The following PCDHGA8 variants were observed in gnomAD, a reference collection of about 807,000 sequenced individuals.
PCDHGA8 encodes the protein protocadherin gamma-A8.
A neutral mutation model predicts 59.2 loss-of-function variants in PCDHGA8; 45 were observed. The observed-to-expected ratio is 0.76, with a 90% CI of 0.60 to 0.98. PCDHGA8 has a LOEUF of 0.98. PCDHGA8 is among the 50% of genes least tolerant of loss of function. PCDHGA8 has a pLI of 0.00. For synonymous variants in PCDHGA8, 531 were observed against 519.0 expected (o/e 1.02, Z -0.32); for missense variants, 1,257 against 1,196.2 (o/e 1.05, Z -0.75).
At position 141,433,358 on chromosome 5, in the gene PCDHGA8, C is replaced by CTATCTAT. The variant is rs2097585632; in HGVS notation, c.2424+38121_2424+38122insTATCTAT. ...ACAGGTGCAAGCCACCTACTGTCTG[C>CTATCTAT]CTATCTATCTATCTATCTATCTATC... On this transcript the variant is annotated intron_variant, in intron 1 of 3. Coordinates refer to ENST00000398604, the MANE Select transcript of PCDHGA8 (RefSeq NM_032088.2). 11 of 503,932 alleles carry CTATCTAT rather than the reference C, an allele frequency of 2.2e-5. No individual in the cohort carries two copies. The African/African-American group carries it at 2.3e-4, about 10-fold the overall frequency. The allele number at this position is 503,932 out of a possible 1,614,324, so 31.2% of individuals were successfully genotyped here.
At chr5:141,411,895 A>G (rs945335839) in intron 1 of PCDHGA8, 1 of 152,254 alleles carries the variant, frequency 6.6e-6, no homozygotes, top group Non-Finnish European at 1.5e-5. Context: ...TAAATGAAAT[A>G]CTATTGCCTT....
rs200686404 is a variant in PCDHGA8 at position 141,477,185 on chromosome 5, G to A, written c.2425-17622G>A. On this transcript the variant is annotated intron_variant, in intron 1 of 3. Transcript: ENST00000398604. The surrounding 1 kb of genome is among the most constrained non-coding windows in gnomAD (Gnocchi z 4.9). ...CGCCCCGGAGATCACAGTCACCTCCGTGTACAGCCCAGTACCCGAGGATGC... is the reference window on the plus strand; with the variant it reads ...CGCCCCGGAGATCACAGTCACCTCCATGTACAGCCCAGTACCCGAGGATGC... 1.2e-6 allele frequency: 2 copies of A among 1,614,210 alleles called. No individual in the cohort carries two copies. Among genetic ancestry groups the A allele is most frequent in the South Asian group, 1.1e-5 (1 of 91,084 alleles).
intron 1 of PCDHGA8, among the ~76,000 whole-genome samples, chr5:141,425,338 G>A (rs561085111): frequency 6.6e-6 from 1 of 152,290 alleles, no homozygotes; most frequent in African/African-American, 2.4e-5. Flanking sequence ...AAAAGGAAGG[G>A]TTGGCTTTGA....
At chr5:141,420,254 G>C (rs186977117) in intron 1 of PCDHGA8, 3 of 1,569,172 alleles carry the variant, frequency 1.9e-6, no homozygotes, top group Admixed American at 3.8e-5. Context: ...CGTTGAAGCA[G>C]ATAAGAAGAT....
chr5:141,473,497 C>T (rs2099323546), intron 1 of PCDHGA8, among the ~76,000 whole-genome samples: 1 of 152,106 alleles, frequency 6.6e-6, no homozygotes, highest in Non-Finnish European at 1.5e-5. Context: ...ATAAGGTGTT[C>T]TGAGAGAGCA....
At chr5:141,404,063 G>A in intron 1 of PCDHGA8, 1 of 1,613,798 alleles carries the variant, frequency 6.2e-7, no homozygotes, top group Non-Finnish European at 8.5e-7. Context: ...TCTTTTCAAT[G>A]CTCATGACCG....
intron 1 of PCDHGA8, chr5:141,421,347 C>G: frequency 6.2e-7 from 1 of 1,613,948 alleles, no homozygotes; most frequent in Non-Finnish European, 8.5e-7. Flanking sequence ...CAGAAGAGAC[C>G]GAAAAGGGCT....
At chr5:141,504,991 G>A (rs896449285) in intron 2 of PCDHGA8, among the ~76,000 whole-genome samples, 44 of 152,034 alleles carry the variant, frequency 2.9e-4, no homozygotes, top group Admixed American at 2.6e-3. Context: ...GTGAAACCCC[G>A]TCTGTACTAA....
At chr5:141,435,430 T>C (rs576681937) in intron 1 of PCDHGA8, among the ~76,000 whole-genome samples, 115 of 152,334 alleles carry the variant, frequency 7.5e-4, no homozygotes, top group African/African-American at 2.6e-3. Flanking sequence ...ACTTCTGTTA[T>C]GCATTTCATT....
intron 1 of PCDHGA8, chr5:141,423,627 C>T (rs925883716): frequency 6.2e-7 from 1 of 1,604,886 alleles, no homozygotes; most frequent in African/African-American, 1.3e-5. Context: ...ACTCAGCTAT[C>T]ATTTTAGGCA....
Position 141,432,123 on chromosome 5 carries a change from C to T in PCDHGA8, c.2424+36886C>T. 6.2e-7 allele frequency: 1 copy of T among 1,614,172 alleles called. No homozygotes were observed. The highest frequency in any genetic ancestry group is 8.5e-7 in the Non-Finnish European group (1 of 1,180,042). ...GACAACCCGCCGGTCTTCCCTCAGGCCTCCTATTCCGCTTATATCCCAGAG... is the reference window on the plus strand; with the variant it reads ...GACAACCCGCCGGTCTTCCCTCAGGTCTCCTATTCCGCTTATATCCCAGAG... On this transcript the variant is annotated intron_variant, in intron 1 of 3. Coordinates refer to ENST00000398604, the MANE Select transcript of PCDHGA8 (RefSeq NM_032088.2). The surrounding 1 kb of genome is among the most constrained non-coding windows in gnomAD (Gnocchi z 6.0).
At chr5:141,420,050 C>T in intron 1 of PCDHGA8, 1 of 1,614,076 alleles carries the variant, frequency 6.2e-7, no homozygotes, top group Non-Finnish European at 8.5e-7. Flanking sequence ...TGAGTCAGTT[C>T]TCTGCTCCAA....
chr5:141,413,891 C>G, intron 1 of PCDHGA8: 1 of 1,613,382 alleles, frequency 6.2e-7, no homozygotes, highest in East Asian at 2.2e-5. Flanking sequence ...GTCTTCGATG[C>G]AAATGACAAC....
intron 1 of PCDHGA8, chr5:141,422,419 A>G (rs1318381358): frequency 8.7e-6 from 14 of 1,607,158 alleles, no homozygotes; most frequent in Non-Finnish European, 1.2e-5. Context: ...ATTAGAAAAG[A>G]CTTATGGAAA....
intron 1 of PCDHGA8, chr5:141,399,557 T>TG: frequency 1.2e-6 from 2 of 1,613,968 alleles, no homozygotes; most frequent in Non-Finnish European, 1.7e-6. Context: ...GACCTGGACT[T>TG]GGGGTTGAAC....
At chr5:141,505,352 C>CG in intron 2 of PCDHGA8, 41 bp from the exon 3 acceptor site, 1 of 1,613,302 alleles carries the variant, frequency 6.2e-7, no homozygotes, top group East Asian at 2.2e-5. Context: ...TGAGCTGTGC[C>CG]GGCCTGGGAG....
chr5:141,456,236 T>G (rs1299029934), intron 1 of PCDHGA8, among the ~76,000 whole-genome samples: 1 of 152,120 alleles, frequency 6.6e-6, no homozygotes, highest in African/African-American at 2.4e-5. Flanking sequence ...TAACTGCTGT[T>G]AGGAGGCTTT....
chr5:141,459,444 T>C (rs1485634547), intron 1 of PCDHGA8, among the ~76,000 whole-genome samples: 1 of 152,244 alleles, frequency 6.6e-6, no homozygotes, highest in Non-Finnish European at 1.5e-5. Context: ...TTCATTCAAC[T>C]GTTGGTGGAC....
chr5:141,499,565 C>CTTATCTTGT (rs2099792732), intron 2 of PCDHGA8, among the ~76,000 whole-genome samples: 2 of 152,168 alleles, frequency 1.3e-5, no homozygotes, highest in Non-Finnish European at 2.9e-5. Flanking sequence ...CACTATCCAG[C>CTTATCTTGT]TTCAACTAAT....
Sources: allele counts gnomAD v4.1 joint callset (sites outside exome capture counted in the v4.1 genomes callset), GRCh38; gene constraint gnomAD v4.1.1; non-coding constraint Gnocchi (gnomAD v3.1); transcripts MANE v1.5; gene names NCBI Gene and HGNC (gene_info 2026-07-23, HGNC 2026-07-21).